Variants in MICAL2 observed in about 807,000 individuals in gnomAD.
The protein encoded by MICAL2 is [F-actin]-monooxygenase MICAL2.
MICAL2 carries 77 observed loss-of-function variants against 127.3 expected under a neutral mutation model. The observed-to-expected ratio is 0.60, with a 90% CI of 0.50 to 0.73. MICAL2 has a LOEUF of 0.73. MICAL2 is among the 30% of genes least tolerant of loss of function. MICAL2 has a pLI of 0.00. For missense variants in MICAL2, 1,351 were observed against 1,434.4 expected, an observed-to-expected ratio of 0.94 and a Z score of 0.94; for synonymous variants, 570 against 551.1, an observed-to-expected ratio of 1.03 and a Z score of -0.48.
rs779837603 is a variant in MICAL2, at chr11:12,223,403, G to T, written c.1450-8G>T. 1 of 1,612,774 alleles carries T rather than the reference G, an allele frequency of 6.2e-7. No homozygotes were observed. ...ACTGGTGGGCAAGCATGTCTCTCTT[G>T]CTCATAGGTGAAGCATTTGTATATC... On this transcript the variant is annotated splice_polypyrimidine_tract_variant and splice_region_variant and intron_variant, in intron 11 of 27. Transcript: ENST00000683283.
At chr11:12,184,125 A>G (rs2133968927) in intron 3 of MICAL2, among the ~76,000 whole-genome samples, 1 of 152,324 alleles carries the variant, frequency 6.6e-6, no homozygotes, top group Middle Eastern at 3.4e-3. Flanking sequence ...TCTGTGCCTC[A>G]GTTTCCTTAA....
rs35548022 is a variant in MICAL2 at position 12,333,359 on chromosome 11, C to CA, written c.5515+6104dup. Among the ~76,000 whole-genome samples, 98 of 145,792 alleles carry CA rather than the reference C, an allele frequency of 6.7e-4. No homozygotes were observed. The East Asian group carries it at 0.011, about 17-fold the overall frequency. On this transcript the variant is annotated intron_variant, in intron 32 of 34. Coordinates refer to the MICAL2 transcript ENST00000646065. ...ACATCCATTTGCTAAAAACTTTTAG[C>CA]AAAAAAAAAAAGCAATAGAACAGAA...
At chr11:12,169,884 C>A (rs1029886990) in intron 3 of MICAL2, among the ~76,000 whole-genome samples, 1 of 152,138 alleles carries the variant, frequency 6.6e-6, no homozygotes, top group African/African-American at 2.4e-5. Context: ...AAGGGAGTAC[C>A]AAGAAGAGCC....
downstream of MICAL2, among the ~76,000 whole-genome samples, chr11:12,267,769 C>G (rs1863626552): frequency 6.6e-6 from 1 of 152,070 alleles, no homozygotes; most frequent in Non-Finnish European, 1.5e-5. Context: ...ACCCAGCTAA[C>G]TTTTGTATTT....
chr11:12,358,300 CA>C lies in MICAL2; in HGVS notation c.5696del (p.Gln1899ArgfsTer7). ...GTTTTCTTTTTTTTCTTTAGAGAGC[CA>C]GAAAGATGAGAAGGATCTAAACGAA... On this transcript the variant is annotated frameshift_variant, in exon 35 of 35. Transcript: ENST00000646065. LOFTEE classifies it high-confidence loss of function. 3 of 1,613,162 alleles carry C rather than the reference CA, an allele frequency of 1.9e-6. No individual in the cohort carries two copies. Among genetic ancestry groups the C allele is most frequent in the Non-Finnish European group, 2.5e-6 (3 of 1,179,672 alleles).
chr11:12,159,920 C>T (rs548615520), intron 2 of MICAL2, among the ~76,000 whole-genome samples: 18 of 152,258 alleles, frequency 1.2e-4, no homozygotes, highest in African/African-American at 4.3e-4. Flanking sequence ...CCACGCTTGT[C>T]GCACCAGGCA....
chr11:12,280,836 G>T, intron 1 of MICAL2: 2 of 397,908 alleles, frequency 5.0e-6, no homozygotes, highest in South Asian at 1.4e-4. Context: ...GGCCCCCCAG[G>T]TGCGCTGGAG....
chr11:12,210,383 C>T (rs1456034819), intron 6 of MICAL2, among the ~76,000 whole-genome samples: 3 of 152,148 alleles, frequency 2.0e-5, no homozygotes, highest in Non-Finnish European at 4.4e-5. Flanking sequence ...TTTGAGCCTG[C>T]CCCCTCAAGA....
chr11:12,268,840 A>G (rs1863639083), intron 24 of MICAL2, among the ~76,000 whole-genome samples: 1 of 152,004 alleles, frequency 6.6e-6, no homozygotes, highest in African/African-American at 2.4e-5. Context: ...AATACAAAAA[A>G]AAAAAAAAAT....
downstream of MICAL2, among the ~76,000 whole-genome samples, chr11:12,359,756 A>G (rs1939181513): frequency 6.6e-6 from 1 of 152,312 alleles, no homozygotes; most frequent in East Asian, 1.9e-4. Flanking sequence ...TTTTGCTCGG[A>G]TTCTTTGAAG....
At chr11:12,321,992 C>T (rs1240367291) in intron 30 of MICAL2, among the ~76,000 whole-genome samples, 1 of 151,980 alleles carries the variant, frequency 6.6e-6, no homozygotes, top group Non-Finnish European at 1.5e-5. Context: ...AATGTGGATA[C>T]TAGATTCAGG....
intron 3 of MICAL2, among the ~76,000 whole-genome samples, chr11:12,172,351 C>T (rs768558798): frequency 2.3e-4 from 35 of 152,124 alleles, no homozygotes; most frequent in Non-Finnish European, 3.4e-4. Context: ...AATGCAGATG[C>T]TTAGTAGGTG....
At chr11:12,325,270 C>G (rs1864341893) in intron 31 of MICAL2, among the ~76,000 whole-genome samples, 1 of 152,030 alleles carries the variant, frequency 6.6e-6, no homozygotes, top group Admixed American at 6.6e-5. Context: ...CCACCACGCC[C>G]AGCTAATTTT....
chr11:12,330,489 A>T (rs1362549192), intron 32 of MICAL2, among the ~76,000 whole-genome samples: 2 of 152,274 alleles, frequency 1.3e-5, no homozygotes, highest in East Asian at 1.9e-4. Flanking sequence ...ATAATTATGT[A>T]GGCAGCCTGA....
At chr11:12,184,074 C>G (rs1020967361) in intron 3 of MICAL2, among the ~76,000 whole-genome samples, 1 of 152,234 alleles carries the variant, frequency 6.6e-6, no homozygotes, top group Admixed American at 6.5e-5. Context: ...GCCACCACGT[C>G]GGATCTTGGC....
chr11:12,293,869 A>C, downstream of MICAL2: 1 of 1,609,902 alleles, frequency 6.2e-7, no homozygotes. Context: ...GGCAAGAGCT[A>C]TCTCCCTTGG....
intron 21 of MICAL2, among the ~76,000 whole-genome samples, 180 bp from the exon 22 acceptor site, chr11:12,249,004 T>C (rs1377599907): frequency 2.0e-5 from 3 of 152,224 alleles, no homozygotes; most frequent in Admixed American, 2.0e-4. Flanking sequence ...AGCATTAGTT[T>C]CTTAACCTAT....
intron 34 of MICAL2, among the ~76,000 whole-genome samples, chr11:12,356,343 C>T (rs780776235): frequency 2.0e-5 from 3 of 152,166 alleles, no homozygotes; most frequent in South Asian, 2.1e-4. Context: ...TTAAACAATC[C>T]GTGTAGGAGA....
At chr11:12,133,469 A>G (rs112826883) in intron 1 of MICAL2, among the ~76,000 whole-genome samples, 29 of 152,348 alleles carry the variant, frequency 1.9e-4, no homozygotes, top group African/African-American at 6.5e-4. Flanking sequence ...ATTAGTAGGC[A>G]TGGGATACGG....
Sources: gnomAD v4.1 joint callset for allele counts (sites outside exome capture counted in the v4.1 genomes callset) on GRCh38, gnomAD v4.1.1 for gene constraint, MANE v1.5 for transcripts, NCBI Gene and HGNC (gene_info 2026-07-23, HGNC 2026-07-21) for gene names.